SLC1A2: variants seen among roughly 807,000 people sequenced by gnomAD.
SLC1A2 encodes excitatory amino acid transporter 2.
A neutral mutation model predicts 48.8 loss-of-function variants in SLC1A2; 15 were observed. The ratio of observed to expected loss-of-function variants is 0.31; its 90% CI spans 0.21 to 0.47. The LOEUF is 0.47. Ranked by LOEUF, SLC1A2 falls within the 20% of genes least tolerant of loss-of-function variation. The probability of loss-of-function intolerance (pLI) is 0.99; values close to 1 mark genes in which losing one functional copy is unlikely to be tolerated. For synonymous variants in SLC1A2, 279 were observed against 272.6 expected (o/e 1.02, Z -0.23); for missense variants, 502 against 730.5 (o/e 0.69, Z 3.61).
chr11:35,408,445 C>T (rs1336031227), intron 1 of SLC1A2, among the ~76,000 whole-genome samples: 6 of 152,138 alleles, frequency 3.9e-5, no homozygotes. Flanking sequence ...ATAAGTCTCA[C>T]AAGATCTGAT....
At chr11:35,317,894 CT>C (rs896360155) in intron 1 of SLC1A2, among the ~76,000 whole-genome samples, 1 of 152,172 alleles carries the variant, frequency 6.6e-6, no homozygotes, top group Non-Finnish European at 1.5e-5. Flanking sequence ...CTATTTTCTT[CT>C]TGTAACAACA....
chr11:35,348,892 CAAAAAA>C (rs397752034), intron 1 of SLC1A2, among the ~76,000 whole-genome samples: 2 of 78,470 alleles, frequency 2.5e-5, no homozygotes, highest in Admixed American at 1.6e-4. Flanking sequence ...GACCTGGTCT[CAAAAAA>C]AAAAAAAAAA....
chr11:35,327,580 A>G (rs1852289202), intron 1 of SLC1A2, among the ~76,000 whole-genome samples: 2 of 152,226 alleles, frequency 1.3e-5, no homozygotes, highest in South Asian at 2.1e-4. Flanking sequence ...CTTGTCTTCC[A>G]TAACAGGAAC....
intron 1 of SLC1A2, among the ~76,000 whole-genome samples, chr11:35,405,496 A>G (rs1855261025): frequency 6.6e-6 from 1 of 152,056 alleles, no homozygotes. Context: ...TCTGAATATC[A>G]AATTCATTCT....
chr11:35,325,218 T>TA (rs1001464513), intron 1 of SLC1A2, among the ~76,000 whole-genome samples: 5 of 152,314 alleles, frequency 3.3e-5, no homozygotes, highest in African/African-American at 7.2e-5. Flanking sequence ...AAACATCCTC[T>TA]ACCCACCCTC....
chr11:35,412,155 A>ACC (rs1855482096), intron 1 of SLC1A2, among the ~76,000 whole-genome samples: 1 of 149,068 alleles, frequency 6.7e-6, no homozygotes, highest in African/African-American at 2.6e-5. Context: ...CAATTAGATG[A>ACC]CAAAAAAAAC....
intron 1 of SLC1A2, among the ~76,000 whole-genome samples, chr11:35,364,146 C>T (rs1356637669): frequency 6.6e-6 from 1 of 152,142 alleles, no homozygotes; most frequent in African/African-American, 2.4e-5. Context: ...GAAGACACTC[C>T]CTGCTGTTCT....
At chr11:35,341,488 A>AT (rs961318643) in intron 1 of SLC1A2, among the ~76,000 whole-genome samples, 1 of 152,202 alleles carries the variant, frequency 6.6e-6, no homozygotes, top group African/African-American at 2.4e-5. Flanking sequence ...ATTTAAAAAT[A>AT]TTTTTTTAAA....
chr11:35,328,999 C>A (rs1319533634), intron 1 of SLC1A2, among the ~76,000 whole-genome samples: 1 of 152,164 alleles, frequency 6.6e-6, no homozygotes, highest in Non-Finnish European at 1.5e-5. Context: ...TGGAAGCAAC[C>A]TAGACATCCT....
chr11:35,268,529 G>T (rs771681758), intron 9 of SLC1A2, among the ~76,000 whole-genome samples: 2 of 151,992 alleles, frequency 1.3e-5, no homozygotes, highest in Admixed American at 6.6e-5. Context: ...GCCGGGCATG[G>T]TGGTGTGCAC....
At position 35,419,070 on chromosome 11, in the gene SLC1A2, A is replaced by G; in HGVS notation, c.-104T>C. 6.7e-6 allele frequency: 7 copies of G among 1,049,286 alleles called. No homozygotes were observed. The highest frequency in any genetic ancestry group is 9.8e-6 in the Non-Finnish European group (7 of 716,084). 65.0% of individuals were successfully genotyped at this position (1,049,286 alleles called of 1,614,324 possible). A position where few individuals can be genotyped will look rare whatever the true frequency, so the allele number is the denominator to read the frequency against. On this transcript the variant is annotated 5_prime_UTR_variant, in exon 1 of 11. Coordinates refer to ENST00000278379, the MANE Select transcript of SLC1A2 (RefSeq NM_004171.4). This position sits in a 1 kb window ranked among gnomAD's most constrained non-coding sequence, Gnocchi z 5.4. Reference sequence around the variant, plus strand: ...CGAAGTGCGGCCGGGAGCGGTATTTAAGAGGAGCCTCTGCCCGCCCTTCCA... The same window carrying G: ...CGAAGTGCGGCCGGGAGCGGTATTTGAGAGGAGCCTCTGCCCGCCCTTCCA...
chr11:35,392,038 A>G (rs768747203), intron 1 of SLC1A2, among the ~76,000 whole-genome samples: 10 of 152,198 alleles, frequency 6.6e-5, no homozygotes, highest in Admixed American at 5.2e-4. Context: ...CTAATAACAA[A>G]ATAGTTTGCA....
At chr11:35,267,032 C>A (rs1470527181) in intron 9 of SLC1A2, among the ~76,000 whole-genome samples, 1 of 152,190 alleles carries the variant, frequency 6.6e-6, no homozygotes, top group Non-Finnish European at 1.5e-5. Flanking sequence ...TGGAGTTTAA[C>A]TCTCAGGGGC....
At chr11:35,347,025 C>A (rs1407362638) in intron 1 of SLC1A2, among the ~76,000 whole-genome samples, 1 of 152,194 alleles carries the variant, frequency 6.6e-6, no homozygotes, top group Non-Finnish European at 1.5e-5. Context: ...TGGAAAAAGA[C>A]ATCTCTGAAG....
chr11:35,267,918 AAG>A (rs1262046157), intron 9 of SLC1A2, among the ~76,000 whole-genome samples: 2 of 152,234 alleles, frequency 1.3e-5, no homozygotes, highest in Non-Finnish European at 2.9e-5. Flanking sequence ...TACTGAGCAC[AAG>A]ATAAATACAT....
At chr11:35,349,113 G>A (rs1246580093) in intron 1 of SLC1A2, among the ~76,000 whole-genome samples, 1 of 152,050 alleles carries the variant, frequency 6.6e-6, no homozygotes, top group Non-Finnish European at 1.5e-5. Context: ...ATAGAGGGAG[G>A]TGAATCTGGC....
intron 1 of SLC1A2, among the ~76,000 whole-genome samples, chr11:35,380,070 A>C (rs1854373895): frequency 6.6e-6 from 1 of 152,226 alleles, no homozygotes; most frequent in African/African-American, 2.4e-5. Flanking sequence ...AATTCCCATG[A>C]TTCTCATATT....
chr11:35,331,727 G>A (rs573185545), intron 1 of SLC1A2, among the ~76,000 whole-genome samples: 4 of 152,136 alleles, frequency 2.6e-5, no homozygotes, highest in African/African-American at 7.2e-5. Context: ...ATTTTACTTC[G>A]CACATTCGAA....
chr11:35,342,394 C>T (rs1364617163), intron 1 of SLC1A2, among the ~76,000 whole-genome samples: 1 of 152,252 alleles, frequency 6.6e-6, no homozygotes, highest in East Asian at 1.9e-4. Flanking sequence ...GATGCAGATA[C>T]CGACAAAAAG....
Sources: gnomAD v4.1 joint callset for allele counts (sites outside exome capture counted in the v4.1 genomes callset) on GRCh38, gnomAD v4.1.1 for gene constraint, Gnocchi (gnomAD v3.1) non-coding constraint, MANE v1.5 for transcripts, NCBI Gene and HGNC (gene_info 2026-07-23, HGNC 2026-07-21) for gene names.